CTIF: variants seen among roughly 807,000 people sequenced by gnomAD.
CTIF encodes the protein CBP80/20-dependent translation initiation factor.
Under a neutral mutation model 66.0 loss-of-function variants are expected in CTIF, and 21 were observed. That is an observed-to-expected ratio of 0.32 (90% CI 0.23 to 0.46). The LOEUF is 0.46. Among genes scored for constraint, CTIF ranks in the 20% least tolerant of loss-of-function variants. CTIF has a pLI of 1.00. For missense variants in CTIF, 739 were observed against 812.7 expected, an observed-to-expected ratio of 0.91 and a Z score of 1.10; for synonymous variants, 345 against 326.4, an observed-to-expected ratio of 1.06 and a Z score of -0.62.
Position 48,739,290 on chromosome 18 carries a change from G to C in CTIF, c.585-18629G>C, listed in dbSNP as rs184103689. Reference sequence around the variant, plus strand: ...CCACAGTGGGTTATTGAGGGAAACTGGGGTGTCAGAAGGACAGACCTAACC... The same window carrying C: ...CCACAGTGGGTTATTGAGGGAAACTCGGGTGTCAGAAGGACAGACCTAACC... On this transcript the variant is annotated intron_variant, in intron 7 of 11. Transcript: ENST00000256413. Among the ~76,000 whole-genome samples, 510 of 152,300 alleles carry C rather than the reference G, an allele frequency of 3.3e-3. 6 individuals are homozygous for C. The highest frequency in any genetic ancestry group is 0.011 in the African/African-American group (452 of 41,546).
chr18:48,741,492 C>T (rs994072402), intron 7 of CTIF, among the ~76,000 whole-genome samples: 4 of 145,360 alleles, frequency 2.8e-5, no homozygotes, highest in Admixed American at 7.1e-5. Context: ...GTTGCAGTCT[C>T]GGCTCACTGC....
chr18:48,799,016 C>T (rs997921068), intron 9 of CTIF, among the ~76,000 whole-genome samples: 6 of 152,150 alleles, frequency 3.9e-5, no homozygotes, highest in South Asian at 2.1e-4. Context: ...GCCACCAGCG[C>T]GTGACTTGAC....
chr18:48,669,570 G>C (rs1336528675), intron 5 of CTIF, among the ~76,000 whole-genome samples: 2 of 151,766 alleles, frequency 1.3e-5, no homozygotes, highest in African/African-American at 4.8e-5. Flanking sequence ...TCACCCTCCT[G>C]CCTCTTTGCC....
At chr18:48,797,695 C>T (rs1358942118) in intron 9 of CTIF, among the ~76,000 whole-genome samples, 1 of 152,126 alleles carries the variant, frequency 6.6e-6, no homozygotes, top group Non-Finnish European at 1.5e-5. Context: ...TGCCCTTCCA[C>T]GTGTTCCTCA....
At chr18:48,615,633 T>C (rs1003919676) in intron 1 of CTIF, among the ~76,000 whole-genome samples, 3 of 152,200 alleles carry the variant, frequency 2.0e-5, no homozygotes, top group African/African-American at 4.8e-5. Flanking sequence ...TGGAATTGTC[T>C]GAGACACTGA....
intron 10 of CTIF, among the ~76,000 whole-genome samples, chr18:48,842,096 GAC>G (rs1443240445): frequency 6.6e-6 from 1 of 152,214 alleles, no homozygotes; most frequent in African/African-American, 2.4e-5. Flanking sequence ...GGGTTGGAGA[GAC>G]GGGGACGTTC....
chr18:48,657,369 G>T (rs1048737922), intron 3 of CTIF, among the ~76,000 whole-genome samples: 4 of 152,118 alleles, frequency 2.6e-5, no homozygotes, highest in African/African-American at 9.7e-5. Context: ...TAATCTTTTT[G>T]ATTTTTTTCC....
At chr18:48,791,552 G>C (rs910603186) in intron 9 of CTIF, among the ~76,000 whole-genome samples, 2 of 151,884 alleles carry the variant, frequency 1.3e-5, no homozygotes, top group Non-Finnish European at 2.9e-5. Flanking sequence ...GGCCCTGGGG[G>C]CTCCCCTTAG....
intron 3 of CTIF, among the ~76,000 whole-genome samples, chr18:48,660,640 C>T (rs1003856752): frequency 1.3e-5 from 2 of 152,374 alleles, no homozygotes; most frequent in Non-Finnish European, 2.9e-5. Flanking sequence ...GTGCCCCCTC[C>T]TCCAGGCAGA....
intron 6 of CTIF, among the ~76,000 whole-genome samples, chr18:48,696,373 G>A (rs1475354633): frequency 6.6e-6 from 1 of 152,168 alleles, no homozygotes; most frequent in East Asian, 1.9e-4. Context: ...GTGCTGACTG[G>A]GGTCACAGTT....
chr18:48,775,839 G>A (rs1910616380), intron 9 of CTIF, among the ~76,000 whole-genome samples: 1 of 152,206 alleles, frequency 6.6e-6, no homozygotes, highest in South Asian at 2.1e-4. Context: ...GGAGGATTGG[G>A]GAAGGAGGTA....
intron 1 of CTIF, among the ~76,000 whole-genome samples, chr18:48,577,256 C>T (rs1346867102): frequency 6.6e-6 from 1 of 152,194 alleles, no homozygotes; most frequent in African/African-American, 2.4e-5. Context: ...TGGGTGATGT[C>T]AAAAGCCATG....
intron 1 of CTIF, among the ~76,000 whole-genome samples, chr18:48,613,787 C>T (rs990768253): frequency 6.6e-6 from 1 of 152,192 alleles, no homozygotes; most frequent in Non-Finnish European, 1.5e-5. Flanking sequence ...GAAGCACAGG[C>T]GAAGGAGCTC....
chr18:48,587,386 T>C (rs1277615835), intron 1 of CTIF, among the ~76,000 whole-genome samples: 1 of 151,772 alleles, frequency 6.6e-6, no homozygotes, highest in African/African-American at 2.4e-5. Flanking sequence ...GGCTGCCACT[T>C]TTAAAAATAA....
intron 3 of CTIF, among the ~76,000 whole-genome samples, chr18:48,641,939 C>A (rs529342836): frequency 4.6e-5 from 7 of 152,316 alleles, no homozygotes; most frequent in Non-Finnish European, 5.9e-5. Context: ...TTACCTCTGG[C>A]CCCAGAAAAA....
chr18:48,746,003 A>G (rs376627707), intron 7 of CTIF, among the ~76,000 whole-genome samples: 1 of 152,218 alleles, frequency 6.6e-6, no homozygotes, highest in East Asian at 1.9e-4. Context: ...CGAACCTGTC[A>G]GTAATTAAGT....
chr18:48,627,869 G>C (rs1426624640), intron 2 of CTIF, among the ~76,000 whole-genome samples: 3 of 152,158 alleles, frequency 2.0e-5, no homozygotes, highest in African/African-American at 7.2e-5. Context: ...CAGGCAGAGG[G>C]AGTGGCCAGG....
intron 9 of CTIF, among the ~76,000 whole-genome samples, chr18:48,809,270 T>G (rs997580754): frequency 1.3e-5 from 2 of 152,222 alleles, no homozygotes; most frequent in Non-Finnish European, 2.9e-5. Flanking sequence ...TTAATGATAC[T>G]CTTTATTAAA....
chr18:48,614,702 T>G (rs1417592357), intron 1 of CTIF, among the ~76,000 whole-genome samples: 3 of 152,158 alleles, frequency 2.0e-5, no homozygotes, highest in Non-Finnish European at 4.4e-5. Flanking sequence ...AAGAGTTCAT[T>G]GTTTAGTGGG....
Sources: gnomAD v4.1 joint callset for allele counts (sites outside exome capture counted in the v4.1 genomes callset) on GRCh38, gnomAD v4.1.1 for gene constraint, MANE v1.5 for transcripts, NCBI Gene and HGNC (gene_info 2026-07-23, HGNC 2026-07-21) for gene names.